Variants in ARHGEF28 observed in about 807,000 individuals in gnomAD.
ARHGEF28 encodes the protein Rho guanine nucleotide exchange factor 28, also known as 190 kDa guanine nucleotide exchange factor.
Under a neutral mutation model 206.6 loss-of-function variants are expected in ARHGEF28, and 152 were observed. The ratio of observed to expected loss-of-function variants is 0.74; its 90% CI spans 0.64 to 0.84. ARHGEF28 has a LOEUF of 0.84. Ranked by LOEUF, ARHGEF28 falls within the 40% of genes least tolerant of loss-of-function variation. ARHGEF28 has a pLI of 0.00. For synonymous variants in ARHGEF28, 763 were observed against 776.4 expected (o/e 0.98, Z 0.29); for missense variants, 2,028 against 2,073.2 (o/e 0.98, Z 0.42).
At chr5:73,767,350 A>G (rs1302802283) in intron 4 of ARHGEF28, among the ~76,000 whole-genome samples, 3 of 152,176 alleles carry the variant, frequency 2.0e-5, no homozygotes, top group African/African-American at 7.2e-5. Context: ...GAGGGCTCAG[A>G]AGAAGACAGG....
chr5:73,834,578 G>A (rs1757500776), intron 10 of ARHGEF28, among the ~76,000 whole-genome samples: 1 of 151,688 alleles, frequency 6.6e-6, no homozygotes, highest in African/African-American at 2.4e-5. Context: ...GTGTGTGCAT[G>A]TGTGTGTTTG....
chr5:73,878,414 G>T (rs1255204787), intron 22 of ARHGEF28, among the ~76,000 whole-genome samples: 2 of 151,848 alleles, frequency 1.3e-5, no homozygotes, highest in Non-Finnish European at 2.9e-5. Context: ...GGAGCATTTA[G>T]TCCATTTACA....
At chr5:73,685,987 C>T (rs1747441032) in intron 2 of ARHGEF28, among the ~76,000 whole-genome samples, 1 of 152,216 alleles carries the variant, frequency 6.6e-6, no homozygotes, top group Admixed American at 6.5e-5. Flanking sequence ...TCCCACACTT[C>T]ACTACCCAGC....
chr5:73,825,238 CGGTTGCCATTTCATATAAGATGATCA>C (rs1756834735), intron 9 of ARHGEF28, among the ~76,000 whole-genome samples: 1 of 152,114 alleles, frequency 6.6e-6, no homozygotes, highest in African/African-American at 2.4e-5. Context: ...CAAGGGTTGG[CGGTTGCCATTTCATATAAGATGATCA>C]GGGAGAGCCT....
intron 6 of ARHGEF28, among the ~76,000 whole-genome samples, chr5:73,779,209 T>G (rs150049440): frequency 6.6e-6 from 1 of 152,176 alleles, no homozygotes. Flanking sequence ...AAATGGAAGG[T>G]GGTGCTAAAT....
intron 1 of ARHGEF28, among the ~76,000 whole-genome samples, chr5:73,651,073 G>C (rs1303651322): frequency 6.6e-6 from 1 of 152,156 alleles, no homozygotes; most frequent in African/African-American, 2.4e-5. Flanking sequence ...ATTAGAATGG[G>C]GGCTTGAACT....
chr5:73,803,711 A>G (rs749882621), intron 9 of ARHGEF28: 2 of 152,460 alleles, frequency 1.3e-5, no homozygotes, highest in Non-Finnish European at 2.9e-5. Context: ...GAAGTGATAC[A>G]ATCAGAGGTC....
chr5:73,889,354 C>T (rs201042497), intron 26 of ARHGEF28, among the ~76,000 whole-genome samples: 2 of 152,198 alleles, frequency 1.3e-5, no homozygotes, highest in Non-Finnish European at 2.9e-5. Context: ...TGGGTCCCTA[C>T]AAGACAGTTT....
chr5:73,870,246 TG>T, intron 21 of ARHGEF28, 37 bp downstream of exon 21: 1 of 1,589,098 alleles, frequency 6.3e-7, no homozygotes, highest in Non-Finnish European at 8.6e-7. Flanking sequence ...GTTGAAGCAG[TG>T]CGGTTCAGAG....
intron 33 of ARHGEF28, chr5:73,905,250 T>C (rs1475538799): frequency 1.3e-5 from 2 of 151,484 alleles, no homozygotes; most frequent in East Asian, 1.9e-4. Flanking sequence ...TGCTTGATGA[T>C]CTGAGGTGGT....
chr5:73,736,849 G>A (rs1750967234), intron 2 of ARHGEF28, among the ~76,000 whole-genome samples: 1 of 152,004 alleles, frequency 6.6e-6, no homozygotes, highest in Non-Finnish European at 1.5e-5. Flanking sequence ...GGTGAGGGGA[G>A]GGAGGGAGGG....
intron 26 of ARHGEF28, among the ~76,000 whole-genome samples, chr5:73,889,916 C>A (rs762957454): frequency 5.9e-5 from 9 of 152,192 alleles, no homozygotes; most frequent in Non-Finnish European, 1.3e-4. Flanking sequence ...CCCAAGAACC[C>A]AGAAATGTAA....
intron 30 of ARHGEF28, chr5:73,899,259 T>C (rs1214358725): frequency 6.6e-6 from 1 of 152,156 alleles, no homozygotes; most frequent in East Asian, 1.9e-4. Flanking sequence ...AGTCTCTGTC[T>C]AAAAATACGT....
intron 2 of ARHGEF28, among the ~76,000 whole-genome samples, chr5:73,733,790 G>A (rs997179465): frequency 2.0e-5 from 3 of 152,042 alleles, no homozygotes; most frequent in Non-Finnish European, 4.4e-5. Flanking sequence ...CTCAGAGTGG[G>A]TAATATATAA....
intron 1 of ARHGEF28, among the ~76,000 whole-genome samples, chr5:73,664,547 A>G (rs931791292): frequency 1.8e-4 from 27 of 152,326 alleles, no homozygotes; most frequent in African/African-American, 6.3e-4. Flanking sequence ...TAAAGATTAA[A>G]TAAACTAAGA....
intron 9 of ARHGEF28, among the ~76,000 whole-genome samples, chr5:73,830,995 C>G (rs991695338): frequency 2.0e-5 from 3 of 152,170 alleles, no homozygotes; most frequent in African/African-American, 7.2e-5. Flanking sequence ...ATAACATTGA[C>G]TCTGCCCTGT....
intron 23 of ARHGEF28, 132 bp downstream of exon 23, chr5:73,882,726 G>A (rs1761032885): frequency 1.2e-6 from 1 of 820,580 alleles, no homozygotes; most frequent in Non-Finnish European, 1.8e-6. Flanking sequence ...GAGGTGGAAT[G>A]TTTGTGACAA....
At chr5:73,920,099 T>C (rs1189202456) in intron 35 of ARHGEF28, among the ~76,000 whole-genome samples, 1 of 152,188 alleles carries the variant, frequency 6.6e-6, no homozygotes, top group African/African-American at 2.4e-5. Flanking sequence ...GTTGACTCTT[T>C]TACTGAGGCA....
chr5:73,722,346 G>T (rs1750010381), intron 2 of ARHGEF28, among the ~76,000 whole-genome samples: 1 of 152,180 alleles, frequency 6.6e-6, no homozygotes, highest in African/African-American at 2.4e-5. Flanking sequence ...AAAACTCAGA[G>T]AAATTATAAA....
Sources: allele counts gnomAD v4.1 joint callset (sites outside exome capture counted in the v4.1 genomes callset), GRCh38; gene constraint gnomAD v4.1.1; transcripts MANE v1.5; gene names NCBI Gene and HGNC (gene_info 2026-07-23, HGNC 2026-07-21).